Variants in FILIP1 observed in about 807,000 individuals in gnomAD.
FILIP1 encodes the protein filamin A interacting protein 1, also known as filamin-A-interacting protein 1.
A neutral mutation model predicts 102.1 loss-of-function variants in FILIP1; 61 were observed. That is an observed-to-expected ratio of 0.60 (90% CI 0.49 to 0.74). The LOEUF (loss-of-function observed/expected upper bound fraction) is 0.74, where lower values mean the gene tolerates loss of function less well. Among genes scored for constraint, FILIP1 ranks in the 30% least tolerant of loss-of-function variants. The pLI is 0.00. For synonymous variants in FILIP1, 491 were observed against 526.9 expected, an observed-to-expected ratio of 0.93 and a Z score of 0.93; for missense variants, 1,314 against 1,441.2, an observed-to-expected ratio of 0.91 and a Z score of 1.43.
At chr6:75,336,063 C>G (rs1197345804) in intron 4 of FILIP1, among the ~76,000 whole-genome samples, 1 of 152,088 alleles carries the variant, frequency 6.6e-6, no homozygotes, top group Non-Finnish European at 1.5e-5. Context: ...AGATACTAAC[C>G]AATTAGTTAT....
At chr6:75,305,007 A>G (rs1355249581), downstream of FILIP1, among the ~76,000 whole-genome samples, 2 of 152,234 alleles carry the variant, frequency 1.3e-5, no homozygotes, top group African/African-American at 4.8e-5. Flanking sequence ...AGGACTGCAT[A>G]GATGAAGGAG....
intron 4 of FILIP1, among the ~76,000 whole-genome samples, chr6:75,340,170 AAAGT>A (rs1468086614): frequency 1.6e-4 from 25 of 152,152 alleles, no homozygotes; most frequent in African/African-American, 5.5e-4. Context: ...TTTAGAATAG[AAAGT>A]AAGTCATGTT....
At chr6:75,473,709 T>G (rs1484413137) in intron 1 of FILIP1, 1 of 152,152 alleles carries the variant, frequency 6.6e-6, no homozygotes, top group Non-Finnish European at 1.5e-5. Context: ...TATAACAATC[T>G]CTACCAAATC....
At chr6:75,391,750 T>G (rs978420871) in intron 2 of FILIP1, among the ~76,000 whole-genome samples, 2 of 152,178 alleles carry the variant, frequency 1.3e-5, no homozygotes, top group African/African-American at 4.8e-5. Flanking sequence ...GTTTCTTCCA[T>G]CTGAACAAGA....
intron 2 of FILIP1, among the ~76,000 whole-genome samples, chr6:75,365,538 C>T (rs183518007): frequency 1.3e-5 from 2 of 152,228 alleles, no homozygotes; most frequent in Non-Finnish European, 2.9e-5. Context: ...AGGCACATGC[C>T]GCCTCGCCTG....
intron 1 of FILIP1, among the ~76,000 whole-genome samples, chr6:75,416,699 G>A (rs543495348): frequency 2.6e-5 from 4 of 151,858 alleles, no homozygotes; most frequent in South Asian, 2.1e-4. Context: ...GATTCTGTAC[G>A]ACTTCATACC....
chr6:75,356,889 A>G (rs1250759038), intron 3 of FILIP1, among the ~76,000 whole-genome samples: 1 of 152,224 alleles, frequency 6.6e-6, no homozygotes, highest in African/African-American at 2.4e-5. Context: ...GATTTTCAAC[A>G]TATTTTAGAG....
At chr6:75,398,365 A>T (rs1776536530) in intron 2 of FILIP1, among the ~76,000 whole-genome samples, 1 of 152,200 alleles carries the variant, frequency 6.6e-6, no homozygotes, top group Admixed American at 6.5e-5. Flanking sequence ...GCAAAGAAAC[A>T]TATTCCACTA....
chr6:75,372,743 A>AAAGGAAGG (rs1775606505), intron 2 of FILIP1, among the ~76,000 whole-genome samples: 1 of 56,538 alleles, frequency 1.8e-5, no homozygotes, highest in African/African-American at 8.4e-5. Flanking sequence ...AGAAAGAAAG[A>AAAGGAAGG]AAGAAAGAAA....
At chr6:75,444,239 A>G (rs1778367733) in intron 1 of FILIP1, among the ~76,000 whole-genome samples, 1 of 152,220 alleles carries the variant, frequency 6.6e-6, no homozygotes, top group Admixed American at 6.5e-5. Flanking sequence ...AATGAGATTC[A>G]GCCAATTAAA....
intron 4 of FILIP1, among the ~76,000 whole-genome samples, chr6:75,318,567 T>C (rs577391874): frequency 6.6e-6 from 1 of 152,282 alleles, no homozygotes; most frequent in East Asian, 1.9e-4. Context: ...AATCAACATA[T>C]ATTTTTTTCT....
At chr6:75,309,025 A>G (rs1308704546) in intron 5 of FILIP1, 128 bp from the exon 6 acceptor site, 1 of 951,558 alleles carries the variant, frequency 1.1e-6, no homozygotes, top group Non-Finnish European at 1.5e-6. Flanking sequence ...TCCCCAGATA[A>G]AATAATTGTG....
At chr6:75,380,789 G>A (rs2149640493) in intron 2 of FILIP1, among the ~76,000 whole-genome samples, 1 of 152,224 alleles carries the variant, frequency 6.6e-6, no homozygotes, top group South Asian at 2.1e-4. Context: ...TGTGGGAAAT[G>A]CTTATTATAA....
intron 4 of FILIP1, chr6:75,319,361 G>C: frequency 1.6e-6 from 1 of 629,566 alleles, no homozygotes; most frequent in South Asian, 1.4e-5. Flanking sequence ...ACATGAAAAA[G>C]GCCGAAGGAG....
intron 1 of FILIP1, among the ~76,000 whole-genome samples, chr6:75,464,633 A>G (rs1241837790): frequency 6.6e-6 from 1 of 152,224 alleles, no homozygotes; most frequent in African/African-American, 2.4e-5. Flanking sequence ...AACAAAGAAT[A>G]TATTTGCTTA....
chr6:75,414,059 G>A (rs1405110955), intron 2 of FILIP1, among the ~76,000 whole-genome samples: 4 of 149,312 alleles, frequency 2.7e-5, no homozygotes, highest in South Asian at 4.3e-4. Context: ...AAATACAGAT[G>A]ATACCCACAT....
Position 75,332,765 on chromosome 6 carries a change from G to A in FILIP1, c.630-17563C>T, listed in dbSNP as rs536930662. Among the ~76,000 whole-genome samples the A allele has an allele frequency of 2.6e-5, 4 of 152,252 alleles. No individual in the cohort carries two copies. In the East Asian group the frequency reaches 7.7e-4, roughly 29 times the overall value. On this transcript the variant is annotated intron_variant, in intron 4 of 5. Transcript: ENST00000237172. ...CCACATACACCTCCCACAGTGTGAG[G>A]AGCCTTTCCCCCATGGAAGGCACTT...
intron 1 of FILIP1, chr6:75,473,946 T>C (rs564340654): frequency 5.5e-4 from 84 of 152,316 alleles, no homozygotes; most frequent in African/African-American, 1.9e-3. Context: ...CACTATGACC[T>C]CTAGAGAATA....
At chr6:75,325,938 T>G (rs760658491) in intron 4 of FILIP1, among the ~76,000 whole-genome samples, 2 of 152,128 alleles carry the variant, frequency 1.3e-5, no homozygotes, top group Non-Finnish European at 2.9e-5. Flanking sequence ...AGTCACTATA[T>G]GAAAAAGACA....
Sources: gnomAD v4.1 joint callset for allele counts (sites outside exome capture counted in the v4.1 genomes callset) on GRCh38, gnomAD v4.1.1 for gene constraint, MANE v1.5 for transcripts, NCBI Gene and HGNC (gene_info 2026-07-23, HGNC 2026-07-21) for gene names.